The following PMM2 variants were observed in gnomAD, a reference collection of about 807,000 sequenced individuals.
The protein encoded by PMM2 is mannose-6-phosphate isomerase.
A neutral mutation model predicts 33.2 loss-of-function variants in PMM2; 35 were observed. The ratio of observed to expected loss-of-function variants is 1.06; its 90% confidence interval spans 0.81 to 1.40. The LOEUF (loss-of-function observed/expected upper bound fraction) is 1.40. Ranked by LOEUF, PMM2 falls within the 40% of genes most tolerant of loss-of-function variation. The pLI is 0.00. For missense variants in PMM2, 386 were observed against 306.0 expected (o/e 1.26, Z -1.95); for synonymous variants, 153 against 114.7 (o/e 1.33, Z -2.13).
Position 8,847,932 on chromosome 16 carries a change from A to G in PMM2, c.*107A>G. 1.3e-6 allele frequency: 1 copy of G among 797,460 alleles called. No homozygotes were observed. The highest frequency in any genetic ancestry group is 2.0e-5 in the Admixed American group (1 of 50,702). The allele number at this position is 797,460 out of a possible 1,614,324, so 49.4% of individuals were successfully genotyped here. On this transcript the variant is annotated 3_prime_UTR_variant, in exon 8 of 8. Coordinates refer to ENST00000268261, the MANE Select transcript of PMM2 (RefSeq NM_000303.3). Reference sequence around the variant, plus strand: ...GTGCTCACCCACCCGCAGCCTAGGCAGGCTCTGCATGCTATGCCAGGCATG... The same window carrying G: ...GTGCTCACCCACCCGCAGCCTAGGCGGGCTCTGCATGCTATGCCAGGCATG...
intron 4 of PMM2, among the ~76,000 whole-genome samples, chr16:8,807,193 G>A (rs1360015526): frequency 6.8e-6 from 1 of 146,406 alleles, no homozygotes; most frequent in African/African-American, 2.5e-5. Flanking sequence ...TTTTAGTAGA[G>A]ATGGCATTTC....
At chr16:8,845,228 T>C (rs2060917552) in intron 7 of PMM2, among the ~76,000 whole-genome samples, 1 of 152,110 alleles carries the variant, frequency 6.6e-6, no homozygotes, top group Admixed American at 6.5e-5. Context: ...TCTCACAAAG[T>C]ACATCCTCAA....
At chr16:8,814,644 G>A (rs986983989) in intron 7 of PMM2, among the ~76,000 whole-genome samples, 10 of 152,194 alleles carry the variant, frequency 6.6e-5, no homozygotes, top group African/African-American at 2.2e-4. Context: ...AAGGTCACAC[G>A]GCTAATGACA....
rs560034433 is a variant in PMM2 at position 8,837,037 on chromosome 16, A to G, written c.640-10687A>G. Among the ~76,000 whole-genome samples, 207 of 152,116 alleles carry G rather than the reference A, an allele frequency of 1.4e-3. 1 individual carries two copies. The highest frequency in any genetic ancestry group is 2.3e-3 in the Non-Finnish European group (158 of 67,986). On this transcript the variant is annotated intron_variant, in intron 7 of 7. Transcript: ENST00000268261. ...GTGGAGGAGCGGAGGCTGAGGAAGAATTGGAACCTAGCTCAGCCTGGCGAG... is the reference window on the plus strand; with the variant it reads ...GTGGAGGAGCGGAGGCTGAGGAAGAGTTGGAACCTAGCTCAGCCTGGCGAG...
At chr16:8,801,413 G>T (rs565223131) in intron 1 of PMM2, among the ~76,000 whole-genome samples, 2 of 152,334 alleles carry the variant, frequency 1.3e-5, no homozygotes, top group South Asian at 2.1e-4. Flanking sequence ...GCTTATACCT[G>T]TAATCTCAGC....
At chr16:8,816,476 C>A (rs564633201) in intron 7 of PMM2, among the ~76,000 whole-genome samples, 11 of 151,580 alleles carry the variant, frequency 7.3e-5, no homozygotes, top group African/African-American at 2.7e-4. Context: ...TGCGGTGGCT[C>A]ACACCTATAA....
chr16:8,834,677 T>C (rs1407126980), intron 7 of PMM2, among the ~76,000 whole-genome samples: 1 of 151,614 alleles, frequency 6.6e-6, no homozygotes, highest in Non-Finnish European at 1.5e-5. Context: ...ATTTCCACGA[T>C]GGAAAGGAAA....
intron 1 of PMM2, among the ~76,000 whole-genome samples, chr16:8,801,231 C>T (rs1353069674): frequency 1.3e-5 from 2 of 152,104 alleles, no homozygotes; most frequent in African/African-American, 4.8e-5. Flanking sequence ...AGAAAAATAG[C>T]TGGGACAGTG....
At chr16:8,809,897 A>G (rs1163971876) in intron 4 of PMM2, 5 of 151,874 alleles carry the variant, frequency 3.3e-5, no homozygotes, top group African/African-American at 1.2e-4. Flanking sequence ...TGCAGCTTCC[A>G]CTGCCCGGGC....
At chr16:8,826,335 A>G (rs1031058421) in intron 7 of PMM2, among the ~76,000 whole-genome samples, 4 of 152,180 alleles carry the variant, frequency 2.6e-5, no homozygotes, top group Non-Finnish European at 5.9e-5. Flanking sequence ...AGCAGTTTTA[A>G]TTACATACCA....
intron 7 of PMM2, among the ~76,000 whole-genome samples, chr16:8,830,616 T>C (rs2060804135): frequency 6.6e-6 from 1 of 152,078 alleles, no homozygotes; most frequent in Admixed American, 6.5e-5. Flanking sequence ...AACTGCTGCA[T>C]TGGAAGGCAG....
At chr16:8,837,821 C>T (rs1047478660) in intron 7 of PMM2, among the ~76,000 whole-genome samples, 1 of 152,186 alleles carries the variant, frequency 6.6e-6, no homozygotes, top group African/African-American at 2.4e-5. Context: ...GGTAAATAAT[C>T]AGGCGTCCCT....
At chr16:8,845,610 G>C (rs369970884) in intron 7 of PMM2, among the ~76,000 whole-genome samples, 1 of 151,236 alleles carries the variant, frequency 6.6e-6, no homozygotes, top group Non-Finnish European at 1.5e-5. Context: ...TTTGAGTCTC[G>C]CTCTGTTGCC....
At chr16:8,801,986 C>T in intron 2 of PMM2, 76 bp downstream of exon 2, 2 of 1,052,396 alleles carry the variant, frequency 1.9e-6, no homozygotes. Flanking sequence ...GTATCATAGG[C>T]TGCCCTAAAA....
In PMM2 at chr16:8,847,845, G is replaced by C. The variant is rs528801130; in HGVS notation, c.*20G>C. 6 of 1,584,220 alleles carry C rather than the reference G, an allele frequency of 3.8e-6. No homozygotes were observed. In the East Asian group the frequency reaches 8.9e-5, roughly 24 times the overall value. The stretch of plus-strand genomic sequence containing the variant: ...TCCTAACGTGGGAGCGGGAGGGGCG[G>C]GGTCCCGGCTGACAAGCCAGCATAG... On this transcript the variant is annotated 3_prime_UTR_variant, in exon 8 of 8. Coordinates refer to ENST00000268261, the MANE Select transcript of PMM2 (RefSeq NM_000303.3).
chr16:8,834,842 A>C (rs1408706691), intron 7 of PMM2, among the ~76,000 whole-genome samples: 8 of 152,128 alleles, frequency 5.3e-5, no homozygotes, highest in Admixed American at 4.6e-4. Context: ...AATGGGGTGA[A>C]TATCAGGTGG....
At chr16:8,810,472 T>G (rs1344786161) in intron 4 of PMM2, 2 of 153,764 alleles carry the variant, frequency 1.3e-5, no homozygotes, top group Non-Finnish European at 2.9e-5. Context: ...GAGCTATGTA[T>G]AATTTTAAAT....
Position 8,822,169 on chromosome 16 carries a change from G to A in PMM2, c.639+9063G>A, listed in dbSNP as rs914343761. 2.5e-4 allele frequency among the ~76,000 whole-genome samples: 38 copies of A among 152,090 alleles called. 1 individual carries two copies. The highest frequency in any genetic ancestry group is 8.0e-4 in the African/African-American group (33 of 41,398). On this transcript the variant is annotated intron_variant, in intron 7 of 7. Coordinates refer to ENST00000268261, the MANE Select transcript of PMM2 (RefSeq NM_000303.3). Reference sequence around the variant, plus strand: ...GGGAAGTGGAGATTGCTGATTGGTCGGCTTGGAGATGAAATCATAGGGGGT... The same window carrying A: ...GGGAAGTGGAGATTGCTGATTGGTCAGCTTGGAGATGAAATCATAGGGGGT...
chr16:8,832,181 C>A (rs1243707407), intron 7 of PMM2: 5 of 985,304 alleles, frequency 5.1e-6, no homozygotes, highest in Admixed American at 6.2e-5. Context: ...AAGGAGCCCA[C>A]CATGCTCTGA....
Sources: allele counts gnomAD v4.1 joint callset (sites outside exome capture counted in the v4.1 genomes callset), GRCh38; gene constraint gnomAD v4.1.1; transcripts MANE v1.5; gene names NCBI Gene and HGNC (gene_info 2026-07-23, HGNC 2026-07-21).